The following RBM39 variants were observed in gnomAD, a reference collection of about 807,000 sequenced individuals.
RBM39 encodes RNA-binding protein 39.
RBM39 carries 12 observed loss-of-function variants against 79.6 expected under a neutral mutation model. That is an observed-to-expected ratio of 0.15 (90% CI 0.10 to 0.24). The LOEUF (loss-of-function observed/expected upper bound fraction) is 0.24. Ranked by LOEUF, RBM39 falls within the 10% of genes least tolerant of loss-of-function variation. The probability of loss-of-function intolerance (pLI) is 1.00; values close to 1 mark genes in which losing one functional copy is unlikely to be tolerated. For missense variants in RBM39, 243 were observed against 653.4 expected, an observed-to-expected ratio of 0.37 and a Z score of 6.85; for synonymous variants, 185 against 208.4, an observed-to-expected ratio of 0.89 and a Z score of 0.97.
intron 8 of RBM39, among the ~76,000 whole-genome samples, 180 bp from the exon 9 acceptor site, chr20:35,722,057 G>T (rs1364094966): frequency 6.6e-6 from 1 of 152,074 alleles, no homozygotes; most frequent in African/African-American, 2.4e-5. Flanking sequence ...TCAGAAAGAG[G>T]AGGTAGATAA....
chr20:35,720,443 A>G (rs1343511805), intron 9 of RBM39, among the ~76,000 whole-genome samples: 1 of 152,036 alleles, frequency 6.6e-6, no homozygotes, highest in Admixed American at 6.6e-5. Flanking sequence ...ACATAATGGC[A>G]TGTCAACCTC....
rs1184750977 is a variant in RBM39 at position 35,721,824 on chromosome 20, A to C, written c.741T>G (p.Ala247=). ...AMANNLQKGS[A]GPMRLYVGSL... ...AGCCCACATAAAGCCTCATAGGTCCAGCACTTCCCTTTTGTAAATTGTTTG... is the reference window on the plus strand; with the variant it reads ...AGCCCACATAAAGCCTCATAGGTCCCGCACTTCCCTTTTGTAAATTGTTTG... Residue 247 remains alanine (A), a synonymous_variant, in exon 9 of 17, where the codon GCT becomes GCG. Transcript: ENST00000253363. The C allele has an allele frequency of 6.2e-7, 1 of 1,614,062 alleles. No individual in the cohort carries two copies. The highest frequency in any genetic ancestry group is 2.2e-5 in the East Asian group (1 of 44,872).
At chr20:35,705,185 C>T (rs754247117) in intron 15 of RBM39, 40 bp downstream of exon 15, 7 of 1,212,128 alleles carry the variant, frequency 5.8e-6, no homozygotes, top group Middle Eastern at 2.5e-4. Context: ...AAGGTAGAGA[C>T]GAACAACCTA....
At chr20:35,712,697 CTAA>C (rs924727341) in intron 12 of RBM39, among the ~76,000 whole-genome samples, 9 of 151,916 alleles carry the variant, frequency 5.9e-5, no homozygotes, top group African/African-American at 1.7e-4. Flanking sequence ...TTTCTAAATT[CTAA>C]TATTATAAAT....
At chr20:35,712,566 A>G (rs2036572021) in intron 12 of RBM39, among the ~76,000 whole-genome samples, 1 of 152,030 alleles carries the variant, frequency 6.6e-6, no homozygotes, top group African/African-American at 2.4e-5. Context: ...TGTTGCCTCC[A>G]AAAGCTCCAC....
At chr20:35,739,592 C>G (rs2040313905) in intron 2 of RBM39, 1 of 461,638 alleles carries the variant, frequency 2.2e-6, no homozygotes. Context: ...TGTTGACTCC[C>G]AAGAACCCAA....
intron 1 of RBM39, among the ~76,000 whole-genome samples, 167 bp from the exon 2 acceptor site, chr20:35,741,054 G>C (rs1179323061): frequency 2.6e-4 from 1 of 3,874 alleles, no homozygotes; most frequent in African/African-American, 8.2e-4. Context: ...TTTTTTTTGA[G>C]ACGGAGTTTC....
intron 9 of RBM39, among the ~76,000 whole-genome samples, chr20:35,717,371 A>T (rs2037282558): frequency 6.6e-6 from 1 of 152,138 alleles, no homozygotes; most frequent in Admixed American, 6.6e-5. Flanking sequence ...GAGAAAAAAA[A>T]ACTATGATTG....
chr20:35,724,246 C>T (rs774956722), intron 8 of RBM39, among the ~76,000 whole-genome samples: 18 of 151,810 alleles, frequency 1.2e-4, no homozygotes, highest in Non-Finnish European at 1.8e-4. Flanking sequence ...GCAGGAGAAT[C>T]GCTTGAACCC....
At chr20:35,706,192 G>A (rs1008217401) in intron 14 of RBM39, among the ~76,000 whole-genome samples, 11 of 152,144 alleles carry the variant, frequency 7.2e-5, no homozygotes, top group African/African-American at 2.7e-4. Context: ...CACAAAAGTA[G>A]TTGGGCGTGG....
At chr20:35,709,111 A>C (rs2036105074) in intron 13 of RBM39, 113 bp downstream of exon 13, 1 of 910,600 alleles carries the variant, frequency 1.1e-6, no homozygotes, top group African/African-American at 1.7e-5. Context: ...ACTGTGTCAA[A>C]ATTTGGTCCA....
chr20:35,710,225 G>C (rs1168362120), intron 12 of RBM39: 3 of 152,010 alleles, frequency 2.0e-5, no homozygotes, highest in African/African-American at 7.2e-5. Context: ...TGGGTTTCTT[G>C]CAACATGGGC....
At chr20:35,707,596 A>G (rs561790387) in intron 13 of RBM39, 94 of 197,356 alleles carry the variant, frequency 4.8e-4, no homozygotes, top group African/African-American at 2.2e-3. Context: ...AAATAAATCT[A>G]TATCCTTTCC....
intron 3 of RBM39, chr20:35,736,525 T>C (rs1416633446): frequency 2.1e-6 from 1 of 469,660 alleles, no homozygotes; most frequent in East Asian, 6.9e-5. Context: ...AACACAGTTG[T>C]AGTGAGAAAG....
At chr20:35,739,927 T>C (rs956754536) in intron 2 of RBM39, 2 of 162,922 alleles carry the variant, frequency 1.2e-5, no homozygotes, top group African/African-American at 4.8e-5. Context: ...AGCTTACAGT[T>C]TGTGACACCA....
intron 6 of RBM39, among the ~76,000 whole-genome samples, chr20:35,727,710 C>T (rs1342851860): frequency 2.0e-5 from 3 of 147,700 alleles, no homozygotes; most frequent in South Asian, 4.2e-4. Context: ...AGTGCAATGG[C>T]GCGATCTCGG....
intron 9 of RBM39, 59 bp from the exon 10 acceptor site, chr20:35,716,864 C>A: frequency 8.8e-7 from 1 of 1,130,932 alleles, no homozygotes; most frequent in Non-Finnish European, 1.3e-6. Flanking sequence ...CTACTTTCTT[C>A]CCTGAGACAT....
At chr20:35,709,551 T>C (rs1444515436) in intron 12 of RBM39, among the ~76,000 whole-genome samples, 1 of 152,016 alleles carries the variant, frequency 6.6e-6, no homozygotes, top group Admixed American at 6.6e-5. Context: ...CTGGGAATAA[T>C]GGGAAATGGG....
intron 3 of RBM39, chr20:35,735,055 A>T (rs774584285): frequency 2.1e-5 from 33 of 1,573,494 alleles, no homozygotes; most frequent in Non-Finnish European, 2.7e-5. Context: ...CCATGTAAGA[A>T]GATCTAAATT....
Sources: allele counts gnomAD v4.1 joint callset (sites outside exome capture counted in the v4.1 genomes callset), GRCh38; gene constraint gnomAD v4.1.1; transcripts MANE v1.5; gene names NCBI Gene and HGNC (gene_info 2026-07-23, HGNC 2026-07-21).